FSTL5: variants seen among roughly 807,000 people sequenced by gnomAD.
FSTL5 encodes the protein follistatin like 5.
Under a neutral mutation model 89.1 loss-of-function variants are expected in FSTL5, and 62 were observed. That is an observed-to-expected ratio of 0.70 (90% CI 0.57 to 0.86). The LOEUF is 0.86. Ranked by LOEUF, FSTL5 falls within the 40% of genes least tolerant of loss-of-function variation. The probability of loss-of-function intolerance (pLI) is 0.00; values close to 1 mark genes in which losing one functional copy is unlikely to be tolerated. For missense variants in FSTL5, 1,057 were observed against 1,001.6 expected, an observed-to-expected ratio of 1.06 and a Z score of -0.75; for synonymous variants, 383 against 346.2, an observed-to-expected ratio of 1.11 and a Z score of -1.18.
chr4:161,930,912 C>G (rs774313476), intron 3 of FSTL5, among the ~76,000 whole-genome samples: 1 of 151,788 alleles, frequency 6.6e-6, no homozygotes, highest in Non-Finnish European at 1.5e-5. Flanking sequence ...AATCTGCTGC[C>G]TGAATTAGAC....
intron 5 of FSTL5, among the ~76,000 whole-genome samples, chr4:161,769,008 CATTAAAACTG>C (rs921823448): frequency 1.3e-5 from 2 of 151,750 alleles, no homozygotes; most frequent in African/African-American, 4.8e-5. Flanking sequence ...AAAAACTAGA[CATTAAAACTG>C]ATACTACAGA....
intron 4 of FSTL5, among the ~76,000 whole-genome samples, chr4:161,917,622 T>G (rs1047764783): frequency 1.3e-5 from 2 of 152,166 alleles, no homozygotes; most frequent in East Asian, 3.9e-4. Flanking sequence ...TTGCCACATA[T>G]GTAAGTCTCT....
intron 1 of FSTL5, 139 bp downstream of exon 1, chr4:162,163,476 A>C (rs1733774895): frequency 6.8e-6 from 1 of 146,942 alleles, no homozygotes. Flanking sequence ...AATAGTAATT[A>C]TTAAAATATT....
At chr4:161,691,399 C>G (rs371190879) in intron 6 of FSTL5, among the ~76,000 whole-genome samples, 9 of 152,188 alleles carry the variant, frequency 5.9e-5, no homozygotes, top group African/African-American at 2.2e-4. Context: ...GTTCTACATG[C>G]CTATCTTTCT....
chr4:161,673,339 C>A (rs1737185648), intron 6 of FSTL5, among the ~76,000 whole-genome samples: 1 of 151,840 alleles, frequency 6.6e-6, no homozygotes, highest in Non-Finnish European at 1.5e-5. Flanking sequence ...TATGTTAATT[C>A]AATAGTTGCA....
At chr4:161,652,130 G>A (rs953485889) in intron 7 of FSTL5, among the ~76,000 whole-genome samples, 7 of 152,048 alleles carry the variant, frequency 4.6e-5, no homozygotes, top group African/African-American at 1.7e-4. Flanking sequence ...AAACAGTTAA[G>A]TATCTCTTTT....
chr4:161,630,524 A>T (rs2126655402), intron 7 of FSTL5, among the ~76,000 whole-genome samples: 1 of 152,328 alleles, frequency 6.6e-6, no homozygotes, highest in African/African-American at 2.4e-5. Context: ...TCCTAAGATA[A>T]AACTGGCACT....
chr4:161,859,932 G>A (rs75545612), intron 4 of FSTL5, among the ~76,000 whole-genome samples: 84 of 152,266 alleles, frequency 5.5e-4, no homozygotes, highest in African/African-American at 1.9e-3. Flanking sequence ...GTATTAAATG[G>A]AAAAGGACAT....
chr4:161,995,996 G>A (rs1578930377), intron 3 of FSTL5, among the ~76,000 whole-genome samples: 1 of 152,024 alleles, frequency 6.6e-6, no homozygotes, highest in Admixed American at 6.6e-5. Flanking sequence ...TTATTAGCAA[G>A]ATAAAAGAAC....
chr4:161,433,524 ACT>A (rs1203520234), intron 15 of FSTL5, among the ~76,000 whole-genome samples: 2 of 152,114 alleles, frequency 1.3e-5, no homozygotes, highest in Non-Finnish European at 2.9e-5. Flanking sequence ...CACTTTCACC[ACT>A]GTTATTCAAT....
chr4:162,046,387 G>A (rs1260158118), intron 2 of FSTL5, among the ~76,000 whole-genome samples: 1 of 152,132 alleles, frequency 6.6e-6, no homozygotes, highest in African/African-American at 2.4e-5. Context: ...AGAATTAAAG[G>A]ATGGCAAAGT....
chr4:161,677,377 G>A (rs1270628177), intron 6 of FSTL5, among the ~76,000 whole-genome samples: 1 of 151,842 alleles, frequency 6.6e-6, no homozygotes, highest in African/African-American at 2.4e-5. Context: ...TGGCATCTCA[G>A]GGAAAAATGC....
At chr4:162,082,752 T>C (rs894818110) in intron 2 of FSTL5, among the ~76,000 whole-genome samples, 1 of 151,578 alleles carries the variant, frequency 6.6e-6, no homozygotes, top group Non-Finnish European at 1.5e-5. Flanking sequence ...ATACATCTTC[T>C]GATGTCAGGA....
chr4:161,695,455 A>ATGTGTGTGTGTG (rs59765190), intron 6 of FSTL5, among the ~76,000 whole-genome samples: 1 of 122,044 alleles, frequency 8.2e-6, no homozygotes, highest in Non-Finnish European at 1.6e-5. Context: ...GTGTGTGTGT[A>ATGTGTGTGTGTG]TATATATCAC....
intron 7 of FSTL5, among the ~76,000 whole-genome samples, chr4:161,644,462 G>A: frequency 6.6e-6 from 1 of 151,588 alleles, no homozygotes; most frequent in East Asian, 2.0e-4. Context: ...GGAGGTGGAG[G>A]TTGTAGTGAG....
intron 2 of FSTL5, among the ~76,000 whole-genome samples, chr4:162,090,998 A>T (rs2111357090): frequency 6.6e-6 from 1 of 152,254 alleles, no homozygotes; most frequent in African/African-American, 2.4e-5. Context: ...AAACTGAGTC[A>T]CTGCCTCTGC....
At chr4:162,084,209 G>T (rs1383513691) in intron 2 of FSTL5, among the ~76,000 whole-genome samples, 2 of 151,884 alleles carry the variant, frequency 1.3e-5, no homozygotes, top group Non-Finnish European at 2.9e-5. Flanking sequence ...ATTGTTAGCT[G>T]ATATAAACAC....
chr4:161,468,461 T>G (rs1449673107), intron 13 of FSTL5, among the ~76,000 whole-genome samples: 1 of 152,104 alleles, frequency 6.6e-6, no homozygotes, highest in Admixed American at 6.6e-5. Context: ...GCAGCAGGTC[T>G]ACACTGGCTT....
chr4:161,876,063 T>C (rs1481069663), intron 4 of FSTL5, among the ~76,000 whole-genome samples: 3 of 152,218 alleles, frequency 2.0e-5, no homozygotes, highest in African/African-American at 2.4e-5. Context: ...TGTAAAGATA[T>C]AAAATTTGTT....
Sources: allele counts gnomAD v4.1 joint callset (sites outside exome capture counted in the v4.1 genomes callset), GRCh38; gene constraint gnomAD v4.1.1; transcripts MANE v1.5; gene names NCBI Gene and HGNC (gene_info 2026-07-23, HGNC 2026-07-21).